Variants in CGNL1 observed in about 807,000 individuals in gnomAD.
CGNL1 encodes cingulin like 1, also known as cingulin-like protein 1.
In CGNL1, 132 loss-of-function variants were observed where a neutral mutation model predicts 141.2. That is an observed-to-expected ratio of 0.93 (90% CI 0.81 to 1.08). CGNL1 has a LOEUF of 1.08. Among genes scored for constraint, CGNL1 ranks in the 50% least tolerant of loss-of-function variants. The probability of loss-of-function intolerance (pLI) is 0.00; values close to 1 mark genes in which losing one functional copy is unlikely to be tolerated. For missense variants in CGNL1, 1,870 were observed against 1,588.6 expected, an observed-to-expected ratio of 1.18 and a Z score of -3.01; for synonymous variants, 690 against 622.1, an observed-to-expected ratio of 1.11 and a Z score of -1.63.
chr15:57,527,629 C>T (rs1161059262), intron 12 of CGNL1: 1 of 152,194 alleles, frequency 6.6e-6, no homozygotes, highest in Non-Finnish European at 1.5e-5. Flanking sequence ...ACTGACTGGC[C>T]CTTGTGAATC....
At chr15:57,387,276 T>TAG (rs1222645645) in intron 1 of CGNL1, among the ~76,000 whole-genome samples, 1 of 152,210 alleles carries the variant, frequency 6.6e-6, no homozygotes, top group Admixed American at 6.5e-5. Context: ...CACCAGCACT[T>TAG]CACCACTTTT....
At chr15:57,476,210 G>A (rs1249832572) in intron 8 of CGNL1, among the ~76,000 whole-genome samples, 1 of 152,106 alleles carries the variant, frequency 6.6e-6, no homozygotes, top group Admixed American at 6.5e-5. Flanking sequence ...CTCCGTGTAG[G>A]CAGGCCAGGG....
chr15:57,518,301 T>C, intron 9 of CGNL1, 92 bp from the exon 10 acceptor site: 1 of 908,018 alleles, frequency 1.1e-6, no homozygotes, highest in Non-Finnish European at 1.8e-6. Context: ...GCCATATCTA[T>C]GGGTGTCTTC....
intron 1 of CGNL1, among the ~76,000 whole-genome samples, chr15:57,380,502 G>C (rs2152212117): frequency 6.6e-6 from 1 of 152,292 alleles, no homozygotes; most frequent in Admixed American, 6.5e-5. Flanking sequence ...GTGGGGTACT[G>C]TGGGGCACCT....
chr15:57,415,406 C>T (rs2062837747), intron 1 of CGNL1, among the ~76,000 whole-genome samples: 1 of 152,138 alleles, frequency 6.6e-6, no homozygotes, highest in African/African-American at 2.4e-5. Flanking sequence ...GAAGCAAAGC[C>T]AGAGAAGATG....
At chr15:57,460,831 T>A (rs2063436613) in intron 7 of CGNL1, among the ~76,000 whole-genome samples, 1 of 152,004 alleles carries the variant, frequency 6.6e-6, no homozygotes, top group Admixed American at 6.6e-5. Context: ...TGTCAATAAC[T>A]GATGGAGTGA....
intron 8 of CGNL1, among the ~76,000 whole-genome samples, chr15:57,467,589 T>G (rs779928852): frequency 2.6e-5 from 4 of 151,514 alleles, no homozygotes; most frequent in Non-Finnish European, 5.9e-5. Flanking sequence ...ATAGCTAAAA[T>G]CATTGGGAAC....
intron 1 of CGNL1, among the ~76,000 whole-genome samples, chr15:57,423,788 C>T (rs1291444969): frequency 2.6e-5 from 4 of 152,158 alleles, no homozygotes; most frequent in African/African-American, 7.2e-5. Flanking sequence ...TAGTGTTGGC[C>T]TGCTAGAGCA....
chr15:57,432,705 T>G (rs754909963), intron 1 of CGNL1, among the ~76,000 whole-genome samples: 30 of 152,354 alleles, frequency 2.0e-4, no homozygotes, highest in Non-Finnish European at 3.7e-4. Context: ...CTAAATTCAT[T>G]AATTAATTCA....
chr15:57,527,224 G>A (rs138101981), intron 12 of CGNL1: 80 of 151,278 alleles, frequency 5.3e-4, no homozygotes, highest in African/African-American at 1.9e-3. Flanking sequence ...TCATCTTCAA[G>A]GCTAGGCTGT....
At chr15:57,419,363 ATAAT>A (rs2062888062) in intron 1 of CGNL1, among the ~76,000 whole-genome samples, 1 of 152,270 alleles carries the variant, frequency 6.6e-6, no homozygotes, top group African/African-American at 2.4e-5. Context: ...TTGGTTTGCC[ATAAT>A]TAATGAAACA....
chr15:57,472,131 A>G (rs2063589687), intron 8 of CGNL1, among the ~76,000 whole-genome samples: 1 of 152,128 alleles, frequency 6.6e-6, no homozygotes, highest in Non-Finnish European at 1.5e-5. Context: ...TTTGAAGTTC[A>G]GGGAGGGAGA....
intron 4 of CGNL1, among the ~76,000 whole-genome samples, chr15:57,446,522 A>C (rs144283763): frequency 6.6e-6 from 1 of 152,266 alleles, no homozygotes; most frequent in African/African-American, 2.4e-5. Context: ...ACATTATATC[A>C]GCAGGATTCA....
chr15:57,491,888 G>A (rs1489204739), intron 8 of CGNL1, among the ~76,000 whole-genome samples: 1 of 152,074 alleles, frequency 6.6e-6, no homozygotes, highest in Non-Finnish European at 1.5e-5. Context: ...AAACATACCT[G>A]GCCCAGTATA....
intron 12 of CGNL1, 83 bp downstream of exon 12, chr15:57,524,834 G>A: frequency 1.4e-6 from 2 of 1,389,246 alleles, no homozygotes; most frequent in South Asian, 1.4e-5. Flanking sequence ...AGGGACTTGG[G>A]GGTAGATTCG....
intron 1 of CGNL1, among the ~76,000 whole-genome samples, chr15:57,411,504 C>T (rs1041454422): frequency 3.7e-4 from 56 of 149,930 alleles, no homozygotes; most frequent in Non-Finnish European, 6.6e-4. Flanking sequence ...AGTGCAATGG[C>T]GCAATCTCAG....
chr15:57,513,773 C>T (rs1056119033), intron 8 of CGNL1, among the ~76,000 whole-genome samples: 17 of 152,106 alleles, frequency 1.1e-4, no homozygotes, highest in African/African-American at 3.4e-4. Flanking sequence ...CTGCCCGCCT[C>T]GGCCTCCCAA....
At chr15:57,398,805 T>C (rs1452635871) in intron 1 of CGNL1, among the ~76,000 whole-genome samples, 2 of 152,258 alleles carry the variant, frequency 1.3e-5, no homozygotes, top group Admixed American at 1.3e-4. Context: ...TACTTTATCA[T>C]TTGGTGCAGA....
At chr15:57,424,417 C>T (rs1345502008) in intron 1 of CGNL1, among the ~76,000 whole-genome samples, 1 of 152,178 alleles carries the variant, frequency 6.6e-6, no homozygotes, top group Non-Finnish European at 1.5e-5. Flanking sequence ...CTCACTCTCC[C>T]TACCAGAGTG....
Sources: gnomAD v4.1 joint callset for allele counts (sites outside exome capture counted in the v4.1 genomes callset) on GRCh38, gnomAD v4.1.1 for gene constraint, MANE v1.5 for transcripts, NCBI Gene and HGNC (gene_info 2026-07-23, HGNC 2026-07-21) for gene names.